KPNB1: variants seen among roughly 807,000 people sequenced by gnomAD.
The protein encoded by KPNB1 is importin subunit beta-1.
A neutral mutation model predicts 113.0 loss-of-function variants in KPNB1; 7 were observed. That is an observed-to-expected ratio of 0.06 (90% confidence interval 0.04 to 0.12). The LOEUF (loss-of-function observed/expected upper bound fraction) is 0.12, where lower values mean the gene tolerates loss of function less well. KPNB1 is among the 10% of genes least tolerant of loss of function. The pLI is 1.00. For synonymous variants in KPNB1, 363 were observed against 378.6 expected, an observed-to-expected ratio of 0.96 and a Z score of 0.48; for missense variants, 400 against 1,054.8, an observed-to-expected ratio of 0.38 and a Z score of 8.60.
Position 47,683,119 on chromosome 17 carries a change from A to AAAAAAAC in KPNB1, c.*715_*716insAAAAAAC, listed in dbSNP as rs1567897235. 1 of 133,718 alleles carries AAAAAAAC rather than the reference A, an allele frequency of 7.5e-6. No individual in the cohort carries two copies. Among genetic ancestry groups the AAAAAAAC allele is most frequent in the East Asian group, 2.1e-4 (1 of 4,674 alleles). 8.3% of individuals were successfully genotyped at this position (133,718 alleles called of 1,614,324 possible). ...AAAAAAAAAAAAAAAAAAAAAAAAA[A>AAAAAAAC]CACACACACAGAGGAAAGACGCTCT... On this transcript the variant is annotated 3_prime_UTR_variant, in exon 22 of 22. Transcript: ENST00000290158.
chr17:47,653,737 C>A (rs1915643870), intron 3 of KPNB1, among the ~76,000 whole-genome samples: 1 of 152,170 alleles, frequency 6.6e-6, no homozygotes, highest in Non-Finnish European at 1.5e-5. Context: ...TTCTAGATAT[C>A]AGCATTAGGT....
intron 6 of KPNB1, among the ~76,000 whole-genome samples, chr17:47,661,976 C>G (rs2030112515): frequency 6.6e-6 from 1 of 152,146 alleles, no homozygotes; most frequent in Admixed American, 6.5e-5. Context: ...TTGTTTTCCC[C>G]TGTAGCCATT....
chr17:47,682,536 AAC>A lies in KPNB1; in HGVS notation c.*137_*138del, dbSNP rs942433146. 1 of 711,206 alleles carries A rather than the reference AAC, an allele frequency of 1.4e-6. No homozygotes were observed. The highest frequency in any genetic ancestry group is 2.6e-6 in the Non-Finnish European group (1 of 384,846). The allele number at this position is 711,206 out of a possible 1,614,324, so 44.1% of individuals were successfully genotyped here. A position where few individuals can be genotyped will look rare whatever the true frequency, so the allele number is the denominator to read the frequency against. On this transcript the variant is annotated 3_prime_UTR_variant, in exon 22 of 22. Transcript: ENST00000290158. Reference sequence around the variant, plus strand: ...AGAGGATGAGTGAGTGAGGCTTGAAAACACACCACATTGAAAATCCTGCCACA... The same window carrying A: ...AGAGGATGAGTGAGTGAGGCTTGAAAACACCACATTGAAAATCCTGCCACA...
intron 12 of KPNB1, among the ~76,000 whole-genome samples, chr17:47,671,221 C>T (rs942997681): frequency 2.0e-5 from 3 of 152,196 alleles, no homozygotes; most frequent in African/African-American, 4.8e-5. Context: ...TGCGCCATTG[C>T]ACTCCAGCCT....
At position 47,668,233 on chromosome 17, in the gene KPNB1, G is replaced by C. The variant is rs373998655; in HGVS notation, c.1047G>C (p.Gly349=). The C allele has an allele frequency of 3.7e-6, 6 of 1,614,014 alleles. No homozygotes were observed. Among genetic ancestry groups the C allele is most frequent in the African/African-American group, 1.3e-5 (1 of 74,906 alleles). ...ACTGGAACCCCTGCAAAGCAGCAGGGGTGTGCCTCATGCTTCTGGCCACCT... is the reference window on the plus strand; with the variant it reads ...ACTGGAACCCCTGCAAAGCAGCAGGCGTGTGCCTCATGCTTCTGGCCACCT... The part of the protein sequence containing the change: ...DDDWNPCKAA[G]VCLMLLATCC... Residue 349 remains glycine, a synonymous_variant, in exon 10 of 22, where the codon GGG becomes GGC. Coordinates refer to ENST00000290158, the MANE Select transcript of KPNB1 (RefSeq NM_002265.6).
chr17:47,650,910 G>T (rs868345008), intron 2 of KPNB1, among the ~76,000 whole-genome samples: 10 of 152,136 alleles, frequency 6.6e-5, no homozygotes, highest in Middle Eastern at 3.2e-3. Context: ...ATTTCCTAGA[G>T]CTCTGCCCTT....
At chr17:47,667,336 A>G (rs952111102) in intron 9 of KPNB1, among the ~76,000 whole-genome samples, 3 of 151,862 alleles carry the variant, frequency 2.0e-5, no homozygotes, top group Non-Finnish European at 4.4e-5. Context: ...CATGTTTACC[A>G]GGCTGGTCTC....
rs759134142 is a variant in KPNB1 at position 47,663,195 on chromosome 17, A to C, written c.786+17A>C. ...CTTTTTGCAGTAAGTATTTCTATTT[A>C]TGTGATTTGAGCTTGTGGCTAATTA... On this transcript the variant is annotated intron_variant, in intron 7 of 21. Coordinates refer to ENST00000290158, the MANE Select transcript of KPNB1 (RefSeq NM_002265.6). 3.1e-6 allele frequency: 4 copies of C among 1,287,468 alleles called. No individual in the cohort carries two copies. Among genetic ancestry groups the C allele is most frequent in the African/African-American group, 1.5e-5 (1 of 68,582 alleles). The allele number at this position is 1,287,468 out of a possible 1,614,324, so 79.8% of individuals were successfully genotyped here.
chr17:47,651,548 T>C (rs1915570000), intron 2 of KPNB1, among the ~76,000 whole-genome samples: 1 of 152,244 alleles, frequency 6.6e-6, no homozygotes, highest in African/African-American at 2.4e-5. Flanking sequence ...GTTTATCCTT[T>C]CCTAGAAGAG....
chr17:47,660,100 GAAC>G (rs966969313), intron 5 of KPNB1, among the ~76,000 whole-genome samples: 52 of 152,230 alleles, frequency 3.4e-4, no homozygotes, highest in African/African-American at 1.2e-3. Context: ...TGTACATACT[GAAC>G]AACAACTCCT....
chr17:47,670,659 T>C (rs1288283113), intron 11 of KPNB1, 43 bp from the exon 12 acceptor site: 3 of 1,559,738 alleles, frequency 1.9e-6, no homozygotes, highest in South Asian at 2.3e-5. Context: ...TCCTAAGGTG[T>C]GGGGTTCTTT....
intron 11 of KPNB1, 60 bp from the exon 12 acceptor site, chr17:47,670,642 G>A (rs1051601210): frequency 6.7e-7 from 1 of 1,493,338 alleles, no homozygotes; most frequent in Non-Finnish European, 9.0e-7. Flanking sequence ...AATGAAAAAT[G>A]AGATAATCCT....
chr17:47,676,977 G>T (rs2030632539), intron 16 of KPNB1, 43 bp from the exon 17 acceptor site: 1 of 1,481,606 alleles, frequency 6.7e-7, no homozygotes, highest in Non-Finnish European at 9.4e-7. Flanking sequence ...GCCCCAGCAG[G>T]CAGCCTTTTC....
intron 14 of KPNB1, among the ~76,000 whole-genome samples, chr17:47,674,238 A>G (rs915831634): frequency 1.3e-5 from 2 of 152,174 alleles, no homozygotes; most frequent in African/African-American, 4.8e-5. Flanking sequence ...AATAGGTAGG[A>G]TATAGGAAGG....
chr17:47,678,187 A>G lies in KPNB1; in HGVS notation c.2245A>G (p.Lys749Glu). The part of the protein sequence containing the change: ...LQQASQAQVD[K>E]SDYDMVDYLN... ...GCAGGCCTCCCAAGCCCAGGTGGAC[A>G]AGGTAAGCTTAAAGCTATCTTGGCT... Residue 749 changes from lysine to glutamate, a missense_variant and splice_region_variant, in exon 18 of 22, where the codon AAG (lysine) becomes GAG (glutamate). This residue lies in a region of KPNB1 where 115 missense variants were observed against 427.9 expected (regional missense o/e 0.27). Transcript: ENST00000290158. 6.2e-7 allele frequency: 1 copy of G among 1,614,214 alleles called. No individual in the cohort carries two copies. The highest frequency in any genetic ancestry group is 8.5e-7 in the Non-Finnish European group (1 of 1,180,014).
chr17:47,675,281 C>G (rs1293405892), intron 15 of KPNB1, among the ~76,000 whole-genome samples: 1 of 151,564 alleles, frequency 6.6e-6, no homozygotes, highest in Non-Finnish European at 1.5e-5. Context: ...CTTAAGTGCA[C>G]ACCACTTAAA....
rs1480210371 is a variant in KPNB1 at position 47,684,416 on chromosome 17, C to T, written c.*2012C>T. ...TGTGAATAAAGAGCTCATACCAGCT[C>T]CTAAGCCCTATTAAGAAGAGGCCTG... On this transcript the variant is annotated 3_prime_UTR_variant, in exon 22 of 22. Transcript: ENST00000290158. 1 of 151,938 alleles carries T rather than the reference C, an allele frequency of 6.6e-6. No homozygotes were observed. The highest frequency in any genetic ancestry group is 1.9e-4 in the East Asian group (1 of 5,200). The allele number at this position is 151,938 out of a possible 1,614,324, so 9.4% of individuals were successfully genotyped here.
intron 19 of KPNB1, 171 bp downstream of exon 19, chr17:47,678,584 A>C (rs2030680033): frequency 3.3e-6 from 2 of 597,204 alleles, no homozygotes. Context: ...AAAACTGTAG[A>C]CTACTGTTTT....
intron 21 of KPNB1, among the ~76,000 whole-genome samples, chr17:47,681,024 CTA>C (rs1287626793): frequency 1.3e-5 from 2 of 151,812 alleles, no homozygotes; most frequent in Non-Finnish European, 2.9e-5. Context: ...TTGCCTAGCT[CTA>C]GAGAAGATTT....
Sources: allele counts gnomAD v4.1 joint callset (sites outside exome capture counted in the v4.1 genomes callset), GRCh38; gene constraint gnomAD v4.1.1; regional missense constraint gnomAD v4.1.1; transcripts MANE v1.5; gene names NCBI Gene and HGNC (gene_info 2026-07-23, HGNC 2026-07-21).